Variants in ZNF362 observed in about 807,000 individuals in gnomAD.
ZNF362 encodes rotund homolog.
ZNF362 carries 11 observed loss-of-function variants against 42.9 expected under a neutral mutation model. The ratio of observed to expected loss-of-function variants is 0.26; its 90% CI spans 0.16 to 0.42. The LOEUF (loss-of-function observed/expected upper bound fraction) is 0.42. ZNF362 is among the 20% of genes least tolerant of loss of function. ZNF362 has a pLI of 1.00. For missense variants in ZNF362, 362 were observed against 576.2 expected (o/e 0.63, Z 3.81); for synonymous variants, 255 against 257.3 (o/e 0.99, Z 0.09).
the ZNF362 span, among the ~76,000 whole-genome samples, chr1:33,207,797 T>G: frequency 6.7e-6 from 1 of 150,294 alleles, no homozygotes; most frequent in Admixed American, 6.6e-5. Context: ...GATGGGGTTG[T>G]TTTTTTTCTT....
At chr1:33,214,038 A>G in the ZNF362 span, among the ~76,000 whole-genome samples, 3 of 152,202 alleles carry the variant, frequency 2.0e-5, no homozygotes, top group Non-Finnish European at 4.4e-5. Context: ...AAAGAATAGA[A>G]TTAAAAAGAA....
intron 1 of ZNF362, among the ~76,000 whole-genome samples, chr1:33,263,704 C>T (rs938198366): frequency 6.6e-6 from 1 of 152,278 alleles, no homozygotes; most frequent in Non-Finnish European, 1.5e-5. Flanking sequence ...AGCCACCGTG[C>T]CCAGCCACAT....
the ZNF362 span, chr1:33,181,512 G>T: frequency 6.8e-7 from 1 of 1,468,460 alleles, no homozygotes; most frequent in Non-Finnish European, 8.9e-7. The surrounding 1 kb of genome is among the most constrained non-coding windows in gnomAD (Gnocchi z 6.5). Context: ...AGGCAGCACC[G>T]AGGGCTGGGC....
Position 33,256,592 on chromosome 1 carries a change from C to CCTGCTCGG in ZNF362, c.-150_-143dup, listed in dbSNP as rs1645792705. On this transcript the variant is annotated 5_prime_UTR_variant, in exon 1 of 9. Transcript: ENST00000539719. ...GCCTGTGCCGGAGCCCCAGCCCGGC[C>CCTGCTCGG]CTGCTCGGGCCGCCGGGCGCGGGGC... The CCTGCTCGG allele has an allele frequency of 2.0e-5, 3 of 146,682 alleles. No homozygotes were observed. The highest frequency in any genetic ancestry group is 3.0e-5 in the Non-Finnish European group (2 of 65,654). The allele number at this position is 146,682 out of a possible 1,614,324, so 9.1% of individuals were successfully genotyped here.
chr1:33,264,643 G>A (rs765889914), intron 1 of ZNF362, among the ~76,000 whole-genome samples: 3 of 152,146 alleles, frequency 2.0e-5, no homozygotes, highest in Non-Finnish European at 4.4e-5. Context: ...CCCTTTAAGG[G>A]TCCAGGAGCC....
At chr1:33,166,573 T>G in the ZNF362 span, among the ~76,000 whole-genome samples, 1 of 152,234 alleles carries the variant, frequency 6.6e-6, no homozygotes, top group Admixed American at 6.5e-5. Flanking sequence ...CTCCATCTTC[T>G]GATGGAGAAA....
At position 33,281,892 on chromosome 1, in the gene ZNF362, G is replaced by A; in HGVS notation, c.908+81G>A. On this transcript the variant is annotated intron_variant, in intron 6 of 8. Coordinates refer to ENST00000539719, the MANE Select transcript of ZNF362 (RefSeq NM_152493.3). This position sits in a 1 kb window ranked among gnomAD's most constrained non-coding sequence, Gnocchi z 4.8. ...CTGGCACATGGAGCCAGTGCAAGGA[G>A]GGGCAAGGACCTTCTCCAGGTGCCC... 6.8e-7 allele frequency: 1 copy of A among 1,475,738 alleles called. No individual in the cohort carries two copies. Among genetic ancestry groups the A allele is most frequent in the Non-Finnish European group, 9.4e-7 (1 of 1,069,206 alleles). 91.4% of individuals were successfully genotyped at this position (1,475,738 alleles called of 1,614,324 possible). A position where few individuals can be genotyped will look rare whatever the true frequency, so the allele number is the denominator to read the frequency against.
chr1:33,165,574 A>G, the ZNF362 span: 3 of 1,601,908 alleles, frequency 1.9e-6, no homozygotes, highest in Non-Finnish European at 1.7e-6. The surrounding 1 kb of genome is among the most constrained non-coding windows in gnomAD (Gnocchi z 4.0). Flanking sequence ...CCTCTGAAAC[A>G]CACACAGGGC....
At chr1:33,227,114 T>C in the ZNF362 span, among the ~76,000 whole-genome samples, 1 of 152,198 alleles carries the variant, frequency 6.6e-6, no homozygotes, top group Admixed American at 6.5e-5. Context: ...GTTGTGGTGA[T>C]GGATTGCACA....
At chr1:33,173,001 C>A in the ZNF362 span, among the ~76,000 whole-genome samples, 4 of 152,180 alleles carry the variant, frequency 2.6e-5, no homozygotes, top group African/African-American at 4.8e-5. Flanking sequence ...TCAAGCCTCT[C>A]CTCTTCTCCA....
intron 2 of ZNF362, among the ~76,000 whole-genome samples, chr1:33,273,722 C>T (rs989143083): frequency 1.3e-5 from 2 of 152,184 alleles, no homozygotes; most frequent in African/African-American, 4.8e-5. Flanking sequence ...CCTCCTGGTG[C>T]CCTTGTTTCT....
chr1:33,147,279 G>A, the ZNF362 span: 56 of 1,614,028 alleles, frequency 3.5e-5, 1 homozygote, highest in Admixed American at 4.5e-4. The surrounding 1 kb of genome is among the most constrained non-coding windows in gnomAD (Gnocchi z 8.1). Context: ...GGAACTTCTC[G>A]CGGAAGGTGT....
the ZNF362 span, among the ~76,000 whole-genome samples, chr1:33,220,425 A>G: frequency 6.6e-6 from 1 of 152,136 alleles, no homozygotes; most frequent in Non-Finnish European, 1.5e-5. Context: ...TGGACGCAGA[A>G]GCTCAGAGAG....
At chr1:33,200,919 G>A in the ZNF362 span, among the ~76,000 whole-genome samples, 1 of 152,086 alleles carries the variant, frequency 6.6e-6, no homozygotes. Flanking sequence ...GAGAGAATTT[G>A]GACACAGACA....
At chr1:33,286,625 T>C (rs530550734) in intron 6 of ZNF362, among the ~76,000 whole-genome samples, 27 of 152,218 alleles carry the variant, frequency 1.8e-4, no homozygotes, top group Non-Finnish European at 3.7e-4. Context: ...CTTGCACATA[T>C]AATTAAACTG....
the ZNF362 span, chr1:33,200,214 TA>T: frequency 1.3e-5 from 2 of 152,104 alleles, no homozygotes; most frequent in Non-Finnish European, 2.9e-5. Flanking sequence ...CAAAATACCT[TA>T]GGCAAGAAGC....
chr1:33,229,422 T>G, the ZNF362 span, among the ~76,000 whole-genome samples: 3 of 143,278 alleles, frequency 2.1e-5, no homozygotes, highest in Non-Finnish European at 3.1e-5. Flanking sequence ...TTTTTTTTTT[T>G]GTGAGACGGA....
the ZNF362 span, among the ~76,000 whole-genome samples, chr1:33,129,938 C>A: frequency 6.6e-6 from 1 of 152,156 alleles, no homozygotes; most frequent in Non-Finnish European, 1.5e-5. This position sits in a 1 kb window ranked among gnomAD's most constrained non-coding sequence, Gnocchi z 4.1. Flanking sequence ...TGGCTCACTG[C>A]AGCCTCTGCC....
the ZNF362 span, among the ~76,000 whole-genome samples, chr1:33,224,126 T>A: frequency 2.1e-3 from 320 of 151,778 alleles, 5 homozygotes; most frequent in Admixed American, 0.018. Flanking sequence ...TACCAAAACA[T>A]CAAGAGAAAA....
Sources: gnomAD v4.1 joint callset for allele counts (sites outside exome capture counted in the v4.1 genomes callset) on GRCh38, gnomAD v4.1.1 for gene constraint, Gnocchi (gnomAD v3.1) non-coding constraint, MANE v1.5 for transcripts, NCBI Gene and HGNC (gene_info 2026-07-23, HGNC 2026-07-21) for gene names.